The following PITPNC1 variants were observed in gnomAD, a reference collection of about 807,000 sequenced individuals.
PITPNC1 encodes the protein phosphatidylinositol transfer protein cytoplasmic 1, also known as cytoplasmic phosphatidylinositol transfer protein 1.
Under a neutral mutation model 44.7 loss-of-function variants are expected in PITPNC1, and 18 were observed. The observed-to-expected ratio is 0.40, with a 90% CI of 0.28 to 0.60. PITPNC1 has a LOEUF of 0.60. PITPNC1 is among the 20% of genes least tolerant of loss of function. PITPNC1 has a pLI of 0.39. For missense variants in PITPNC1, 290 were observed against 418.4 expected (o/e 0.69, Z 2.68); for synonymous variants, 141 against 149.6 (o/e 0.94, Z 0.42).
intron 1 of PITPNC1, among the ~76,000 whole-genome samples, chr17:67,478,774 G>A (rs1470340705): frequency 3.3e-5 from 5 of 151,924 alleles, no homozygotes; most frequent in Admixed American, 6.6e-5. Context: ...CTAATTATAC[G>A]CACAGAAGCC....
In PITPNC1 at chr17:67,695,628, ATAT is replaced by A. The variant is rs1567788095; in HGVS notation, c.*2741_*2743del. ...TGTGTATATATATATATATATATAT[ATAT>A]AAATATAAATATAGTATAGTGAATC... On this transcript the variant is annotated 3_prime_UTR_variant, in exon 9 of 9. Coordinates refer to ENST00000581322, the MANE Select transcript of PITPNC1 (RefSeq NM_012417.4). 17 of 145,490 alleles carry A rather than the reference ATAT, an allele frequency of 1.2e-4. No homozygotes were observed. Among genetic ancestry groups the A allele is most frequent in the African/African-American group, 3.6e-4 (14 of 39,166 alleles). 9.0% of individuals were successfully genotyped at this position (145,490 alleles called of 1,614,324 possible).
At chr17:67,574,333 G>A (rs944420287) in intron 4 of PITPNC1, among the ~76,000 whole-genome samples, 17 of 152,042 alleles carry the variant, frequency 1.1e-4, no homozygotes, top group African/African-American at 3.1e-4. Context: ...TATCTTTCTC[G>A]GATTCACAAA....
intron 1 of PITPNC1, among the ~76,000 whole-genome samples, chr17:67,448,232 C>T (rs2039128346): frequency 6.6e-6 from 1 of 152,084 alleles, no homozygotes; most frequent in Non-Finnish European, 1.5e-5. Flanking sequence ...CAGGCATGAG[C>T]CACTGCGCCC....
At position 67,588,762 on chromosome 17, in the gene PITPNC1, G is replaced by T. The variant is rs1007196749; in HGVS notation, c.366+10505G>T. 2.3e-4 allele frequency among the ~76,000 whole-genome samples: 35 copies of T among 152,178 alleles called. 1 individual carries two copies. The highest frequency in any genetic ancestry group is 2.3e-3 in the Admixed American group (35 of 15,274). On this transcript the variant is annotated intron_variant, in intron 5 of 8. Transcript: ENST00000581322. ...GATGGATGTTAACACATTTCAAAAT[G>T]TACTAAAATTAATTTGTAAAGCAGG... is the stretch of plus-strand genomic sequence containing the variant.
At chr17:67,426,173 G>A (rs750504063) in intron 1 of PITPNC1, among the ~76,000 whole-genome samples, 9 of 152,242 alleles carry the variant, frequency 5.9e-5, no homozygotes, top group South Asian at 2.1e-4. Context: ...AGGTAAATTC[G>A]TTCCACCATT....
chr17:67,491,120 G>C (rs1251875197), intron 1 of PITPNC1, among the ~76,000 whole-genome samples: 2 of 152,234 alleles, frequency 1.3e-5, no homozygotes, highest in Non-Finnish European at 2.9e-5. Context: ...GTGAGAGGGA[G>C]GTGACCTCCT....
chr17:67,665,869 G>C (rs963558302), intron 6 of PITPNC1, among the ~76,000 whole-genome samples: 1 of 147,134 alleles, frequency 6.8e-6, no homozygotes, highest in Non-Finnish European at 1.5e-5. Flanking sequence ...TTTTGAGACA[G>C]AGTCTCTGTC....
intron 1 of PITPNC1, among the ~76,000 whole-genome samples, chr17:67,487,427 G>T (rs896154349): frequency 1.3e-5 from 2 of 151,958 alleles, no homozygotes; most frequent in African/African-American, 4.8e-5. Flanking sequence ...CACCCACCTC[G>T]GCCTCCCAAA....
intron 1 of PITPNC1, among the ~76,000 whole-genome samples, chr17:67,435,407 C>G (rs2038924056): frequency 6.6e-6 from 1 of 152,176 alleles, no homozygotes; most frequent in African/African-American, 2.4e-5. Flanking sequence ...ACCCAGCAGG[C>G]ACATGGATTC....
At chr17:67,429,470 C>A (rs2038823105) in intron 1 of PITPNC1, among the ~76,000 whole-genome samples, 1 of 151,064 alleles carries the variant, frequency 6.6e-6, no homozygotes, top group African/African-American at 2.4e-5. Context: ...GAGGCCAAGG[C>A]AGGTGGATCA....
intron 1 of PITPNC1, among the ~76,000 whole-genome samples, chr17:67,444,079 A>G (rs2039057934): frequency 6.6e-6 from 1 of 152,036 alleles, no homozygotes; most frequent in South Asian, 2.1e-4. Flanking sequence ...ATGAACCCAC[A>G]TGTACCCATC....
chr17:67,636,963 G>T (rs2042040449), intron 6 of PITPNC1, among the ~76,000 whole-genome samples: 1 of 152,108 alleles, frequency 6.6e-6, no homozygotes, highest in Admixed American at 6.6e-5. Context: ...GCTCACACAG[G>T]ACTCCCCCTT....
intron 6 of PITPNC1, among the ~76,000 whole-genome samples, chr17:67,636,457 C>CG (rs962558870): frequency 2.6e-5 from 4 of 152,080 alleles, no homozygotes; most frequent in African/African-American, 9.7e-5. Flanking sequence ...TAAATGGATG[C>CG]GGGAGAAGGG....
At chr17:67,405,458 T>C (rs540562042) in intron 1 of PITPNC1, among the ~76,000 whole-genome samples, 1 of 152,192 alleles carries the variant, frequency 6.6e-6, no homozygotes, top group East Asian at 1.9e-4. Flanking sequence ...TGATTGTGGC[T>C]TAAAAAACAA....
intron 1 of PITPNC1, among the ~76,000 whole-genome samples, chr17:67,484,853 G>A (rs1298388262): frequency 1.3e-5 from 2 of 151,980 alleles, no homozygotes; most frequent in East Asian, 1.9e-4. Context: ...TAGGGGAATC[G>A]CTTGAACCCG....
At chr17:67,461,615 G>C (rs1048654521) in intron 1 of PITPNC1, among the ~76,000 whole-genome samples, 5 of 152,184 alleles carry the variant, frequency 3.3e-5, no homozygotes, top group Non-Finnish European at 7.3e-5. Context: ...AGATATCCAA[G>C]AGATTGTCTT....
chr17:67,617,926 A>G (rs1306585474), intron 5 of PITPNC1, among the ~76,000 whole-genome samples: 1 of 152,160 alleles, frequency 6.6e-6, no homozygotes, highest in Non-Finnish European at 1.5e-5. Context: ...ACAAGGTCAC[A>G]TTCTGAGGTT....
At position 67,648,878 on chromosome 17, in the gene PITPNC1, A is replaced by T. The variant is rs548469186; in HGVS notation, c.462+16640A>T. On this transcript the variant is annotated intron_variant, in intron 6 of 8. Transcript: ENST00000581322. ...GCATCTGCAAAAAAAAGCTGGCTAT[A>T]GGCCCAGTGCAGTGGCTCTAATCCC... Among the ~76,000 whole-genome samples, 4 of 152,322 alleles carry T rather than the reference A, an allele frequency of 2.6e-5. No homozygotes were observed. The South Asian group carries it at 8.3e-4, about 32-fold the overall frequency.
intron 1 of PITPNC1, among the ~76,000 whole-genome samples, chr17:67,459,089 T>C (rs2039297326): frequency 6.6e-6 from 1 of 150,988 alleles, no homozygotes; most frequent in Non-Finnish European, 1.5e-5. Context: ...CCTAACTCTC[T>C]TTGGGGCTTT....
Sources: gnomAD v4.1 joint callset for allele counts (sites outside exome capture counted in the v4.1 genomes callset) on GRCh38, gnomAD v4.1.1 for gene constraint, MANE v1.5 for transcripts, NCBI Gene and HGNC (gene_info 2026-07-23, HGNC 2026-07-21) for gene names.